The following SORBS2 variants were observed in gnomAD, a reference collection of about 807,000 sequenced individuals.
SORBS2 encodes sorbin and SH3 domain containing 2.
SORBS2 carries 46 observed loss-of-function variants against 97.7 expected under a neutral mutation model. The ratio of observed to expected loss-of-function variants is 0.47; its 90% confidence interval spans 0.37 to 0.60. The LOEUF is 0.60. Ranked by LOEUF, SORBS2 falls within the 20% of genes least tolerant of loss-of-function variation. The pLI, the probability that SORBS2 is intolerant of heterozygous loss-of-function variation, is 0.00. For missense variants in SORBS2, 1,316 were observed against 1,282.3 expected, an observed-to-expected ratio of 1.03 and a Z score of -0.40; for synonymous variants, 476 against 473.4, an observed-to-expected ratio of 1.01 and a Z score of -0.07.
intron 4 of SORBS2, among the ~76,000 whole-genome samples, chr4:185,640,592 T>C (rs1392861978): frequency 2.0e-5 from 3 of 152,230 alleles, no homozygotes; most frequent in African/African-American, 4.8e-5. Context: ...TAGTAACCAA[T>C]TTGCTATTTT....
In SORBS2 at chr4:185,665,859, G is replaced by T; in HGVS notation, c.-45-3617C>A. 3 of 1,165,322 alleles carry T rather than the reference G, an allele frequency of 2.6e-6. No individual in the cohort carries two copies. The South Asian group carries it at 5.1e-5, about 20-fold the overall frequency. 72.2% of individuals were successfully genotyped at this position (1,165,322 alleles called of 1,614,324 possible). A position where few individuals can be genotyped will look rare whatever the true frequency, so the allele number is the denominator to read the frequency against. On this transcript the variant is annotated intron_variant, in intron 4 of 20. Transcript: ENST00000284776. Reference sequence around the variant, plus strand: ...CACCAATCTGCAGCTCCTCCAGCATGGCTGTGGAGGACTCACTCTCCGAGC... The same window carrying T: ...CACCAATCTGCAGCTCCTCCAGCATTGCTGTGGAGGACTCACTCTCCGAGC...
intron 1 of SORBS2, among the ~76,000 whole-genome samples, chr4:185,947,612 GT>G (rs58097690): frequency 7.3e-5 from 11 of 150,808 alleles, no homozygotes; most frequent in South Asian, 2.1e-4. Context: ...TTTTTCTTGG[GT>G]TTTTTTTTTC....
At chr4:185,777,867 C>T (rs569125785) in intron 1 of SORBS2, among the ~76,000 whole-genome samples, 14 of 152,132 alleles carry the variant, frequency 9.2e-5, no homozygotes, top group South Asian at 6.2e-4. Flanking sequence ...TCATTAAATC[C>T]GTGACTTTAC....
At chr4:185,676,865 G>C (rs555324512) in intron 4 of SORBS2, 2 of 714,264 alleles carry the variant, frequency 2.8e-6, no homozygotes, top group Admixed American at 5.9e-5. Context: ...TTGGAAAATG[G>C]TTTCTTTCTC....
At chr4:185,838,319 G>A (rs775706795) in intron 1 of SORBS2, among the ~76,000 whole-genome samples, 53 of 152,218 alleles carry the variant, frequency 3.5e-4, no homozygotes, top group Admixed American at 7.8e-4. Flanking sequence ...ATCTCCTCAC[G>A]CTGTGGGTTG....
intron 4 of SORBS2, chr4:185,645,445 A>G (rs1217936096): frequency 6.6e-6 from 1 of 152,108 alleles, no homozygotes; most frequent in East Asian, 1.9e-4. Context: ...ACTCTAAAAG[A>G]TATGAGTTAT....
chr4:185,849,547 C>T (rs1044544818), intron 1 of SORBS2, among the ~76,000 whole-genome samples: 1 of 151,334 alleles, frequency 6.6e-6, no homozygotes, highest in African/African-American at 2.4e-5. Context: ...TAATTCCTCA[C>T]TCACATGCTC....
chr4:185,635,936 G>A (rs954917880), intron 4 of SORBS2, among the ~76,000 whole-genome samples: 1 of 152,120 alleles, frequency 6.6e-6, no homozygotes, highest in Non-Finnish European at 1.5e-5. Context: ...TCAGCTCACT[G>A]CAATCTCTGC....
intron 1 of SORBS2, among the ~76,000 whole-genome samples, chr4:185,922,818 A>T (rs2099261547): frequency 6.6e-6 from 1 of 152,198 alleles, no homozygotes; most frequent in Admixed American, 6.5e-5. Context: ...TATGGCAGAT[A>T]TTATTATTCT....
intron 12 of SORBS2, among the ~76,000 whole-genome samples, chr4:185,599,554 T>A (rs1219382044): frequency 6.6e-6 from 1 of 152,004 alleles, no homozygotes; most frequent in Non-Finnish European, 1.5e-5. Flanking sequence ...ATCATGGATT[T>A]AAAAAAAATC....
chr4:185,858,519 T>C (rs1309866889), intron 1 of SORBS2, among the ~76,000 whole-genome samples: 1 of 152,208 alleles, frequency 6.6e-6, no homozygotes, highest in Non-Finnish European at 1.5e-5. Context: ...ATAAGATGCT[T>C]AGCACATGTT....
chr4:185,793,854 A>G (rs7684943), intron 1 of SORBS2, among the ~76,000 whole-genome samples: 92,330 of 152,064 alleles, frequency 0.61, 28,436 homozygotes, highest in Middle Eastern at 0.73. Context: ...TACAGAGACC[A>G]AGCCTGTGGT....
chr4:185,589,676 T>C lies in SORBS2; in HGVS notation c.2953+3A>G, dbSNP rs967817832. Reference sequence around the variant, plus strand: ...AAGGTGCCTGAGGAAGAAGCGCACATACCCACAAACCAGCCGTCATCACAC... The same window carrying C: ...AAGGTGCCTGAGGAAGAAGCGCACACACCCACAAACCAGCCGTCATCACAC... On this transcript the variant is annotated splice_donor_region_variant and intron_variant, in intron 14 of 14. Coordinates refer to ENST00000418609, the Ensembl canonical transcript of SORBS2. 2.5e-6 allele frequency: 4 copies of C among 1,579,340 alleles called. No individual in the cohort carries two copies. The highest frequency in any genetic ancestry group is 3.3e-5 in the Admixed American group (2 of 59,956).
chr4:185,766,814 A>G (rs1239704311), intron 2 of SORBS2, among the ~76,000 whole-genome samples: 1 of 152,236 alleles, frequency 6.6e-6, no homozygotes, highest in Non-Finnish European at 1.5e-5. Context: ...CAGGGGTCAC[A>G]GTAGCCAACA....
chr4:185,594,582 G>A (rs963315376), intron 12 of SORBS2, among the ~76,000 whole-genome samples: 2 of 152,144 alleles, frequency 1.3e-5, no homozygotes, highest in Non-Finnish European at 2.9e-5. Context: ...AGAAACATTG[G>A]TAGAAATTTC....
At chr4:185,757,102 G>GA (rs2098836281) in intron 2 of SORBS2, 2 of 564,960 alleles carry the variant, frequency 3.5e-6, no homozygotes, top group Non-Finnish European at 6.8e-6. Context: ...GAACTGCGTG[G>GA]AAAAGCAGGA....
chr4:185,791,499 A>AAGCC (rs2099079947), intron 1 of SORBS2, among the ~76,000 whole-genome samples: 1 of 152,194 alleles, frequency 6.6e-6, no homozygotes, highest in African/African-American at 2.4e-5. Context: ...TGGACGTACA[A>AAGCC]AGCCAGCCAA....
At position 185,615,227 on chromosome 4, in the gene SORBS2, G is replaced by A. The variant is rs532983477; in HGVS notation, c.2352-68C>T. ...AATAATTCTCAAGATCAACACCCTC[G>A]CTAGATCTGCATTTGTTTGGCAAAT... On this transcript the variant is annotated intron_variant, in intron 9 of 14. Coordinates refer to ENST00000418609, the Ensembl canonical transcript of SORBS2. 191 of 907,890 alleles carry A rather than the reference G, an allele frequency of 2.1e-4. No homozygotes were observed. The African/African-American group carries it at 2.8e-3, about 13-fold the overall frequency. The allele number at this position is 907,890 out of a possible 1,614,324, so 56.2% of individuals were successfully genotyped here.
chr4:185,655,484 T>G (rs2097383691), intron 1 of SORBS2, among the ~76,000 whole-genome samples: 2 of 152,204 alleles, frequency 1.3e-5, no homozygotes, highest in Non-Finnish European at 2.9e-5. Flanking sequence ...ATAGTCAGTG[T>G]AAGAGGAGAG....
Sources: gnomAD v4.1 joint callset for allele counts (sites outside exome capture counted in the v4.1 genomes callset) on GRCh38, gnomAD v4.1.1 for gene constraint, MANE v1.5 for transcripts, NCBI Gene and HGNC (gene_info 2026-07-23, HGNC 2026-07-21) for gene names.